PPP2R5C: variants seen among roughly 807,000 people sequenced by gnomAD.
The protein encoded by PPP2R5C is protein phosphatase 2 regulatory subunit B'gamma.
PPP2R5C carries 7 observed loss-of-function variants against 68.9 expected under a neutral mutation model. The observed-to-expected ratio is 0.10, with a 90% CI of 0.06 to 0.19. The LOEUF is 0.19. Ranked by LOEUF, PPP2R5C falls within the 10% of genes least tolerant of loss-of-function variation. The pLI is 1.00. For synonymous variants in PPP2R5C, 210 were observed against 222.2 expected (o/e 0.95, Z 0.49); for missense variants, 348 against 641.3 (o/e 0.54, Z 4.94).
At chr14:101,773,680 G>C (rs941373325) in intron 2 of PPP2R5C, among the ~76,000 whole-genome samples, 2 of 152,104 alleles carry the variant, frequency 1.3e-5, no homozygotes, top group African/African-American at 4.8e-5. Flanking sequence ...GATTTTGGCA[G>C]GGAGGGGGAG....
At chr14:101,793,458 G>A (rs968313168) in intron 3 of PPP2R5C, among the ~76,000 whole-genome samples, 2 of 152,216 alleles carry the variant, frequency 1.3e-5, no homozygotes, top group Non-Finnish European at 2.9e-5. Flanking sequence ...CCCCTTCAGC[G>A]CCAGCAAGGG....
At chr14:101,892,251 G>C (rs1231316085) in intron 6 of PPP2R5C, among the ~76,000 whole-genome samples, 1 of 152,060 alleles carries the variant, frequency 6.6e-6, no homozygotes, top group Non-Finnish European at 1.5e-5. Context: ...GCCACCGCCT[G>C]GCCCTAACTG....
intron 2 of PPP2R5C, 130 bp downstream of exon 4, chr14:101,857,015 G>A (rs1771861240): frequency 2.2e-6 from 2 of 890,056 alleles, no homozygotes; most frequent in Admixed American, 2.8e-5. Flanking sequence ...AGTTGTGCTT[G>A]AAGAATGAAA....
chr14:101,847,105 T>G (rs535520747), intron 1 of PPP2R5C, among the ~76,000 whole-genome samples: 14 of 152,344 alleles, frequency 9.2e-5, no homozygotes, highest in Admixed American at 7.2e-4. Flanking sequence ...TACCTGAGTT[T>G]GTTTTCCTCA....
chr14:101,927,836 G>A (rs897677317), exon 14 of PPP2R5C: 1 of 152,238 alleles, frequency 6.6e-6, no homozygotes, highest in Non-Finnish European at 1.5e-5. Flanking sequence ...TTAACATTTT[G>A]TAATTCAAAA....
intron 12 of PPP2R5C, chr14:101,914,147 T>C (rs974005861): frequency 6.6e-6 from 3 of 454,968 alleles, no homozygotes; most frequent in African/African-American, 6.0e-5. Context: ...TTGGTTGCTC[T>C]CTTTGCAAAC....
intron 1 of PPP2R5C, chr14:101,818,587 T>C: frequency 6.2e-6 from 1 of 161,116 alleles, no homozygotes; most frequent in Non-Finnish European, 1.3e-5. Context: ...TGAGCCGAGA[T>C]CACGCCACTG....
chr14:101,906,134 G>A lies in PPP2R5C; in HGVS notation c.1024-268G>A, dbSNP rs1210532395. Among the ~76,000 whole-genome samples, 1 of 152,210 alleles carries A rather than the reference G, an allele frequency of 6.6e-6. No homozygotes were observed. The highest frequency in any genetic ancestry group is 2.4e-5 in the African/African-American group (1 of 41,458). ...CTTTGAGTTGTCTCCTCAGCATCTA[G>A]CCAGCATCTAGCATAAATGTTTACG... On this transcript the variant is annotated intron_variant, in intron 9 of 13. Coordinates refer to ENST00000334743, the Ensembl canonical transcript of PPP2R5C. This position sits in a 1 kb window ranked among gnomAD's most constrained non-coding sequence, Gnocchi z 4.0.
chr14:101,860,302 G>C (rs1445075791), intron 2 of PPP2R5C, among the ~76,000 whole-genome samples: 1 of 152,068 alleles, frequency 6.6e-6, no homozygotes, highest in African/African-American at 2.4e-5. Flanking sequence ...TACAGAATAT[G>C]TACCCTTTGG....
intron 2 of PPP2R5C, among the ~76,000 whole-genome samples, chr14:101,770,819 C>T (rs972661354): frequency 2.6e-5 from 4 of 152,224 alleles, no homozygotes; most frequent in African/African-American, 9.7e-5. Context: ...GAAAGGTTTC[C>T]ACCTGCATCC....
At chr14:101,786,276 T>A in intron 3 of PPP2R5C, 93 bp downstream of exon 3, 2 of 1,235,422 alleles carry the variant, frequency 1.6e-6, no homozygotes, top group South Asian at 3.6e-5. Flanking sequence ...CTTTGCTGTG[T>A]TTGTATTTTG....
At chr14:101,886,590 T>C (rs2044534328) in intron 5 of PPP2R5C, among the ~76,000 whole-genome samples, 1 of 152,204 alleles carries the variant, frequency 6.6e-6, no homozygotes, top group Non-Finnish European at 1.5e-5. Flanking sequence ...AAAGCAAGCA[T>C]GCTATCTAGA....
chr14:101,908,987 C>G (rs2046233287), intron 10 of PPP2R5C, among the ~76,000 whole-genome samples: 1 of 152,190 alleles, frequency 6.6e-6, no homozygotes, highest in African/African-American at 2.4e-5. Context: ...CAGGCTTTCG[C>G]TGGTGTCTGC....
At chr14:101,787,842 C>T (rs2038190332) in intron 3 of PPP2R5C, among the ~76,000 whole-genome samples, 1 of 151,666 alleles carries the variant, frequency 6.6e-6, no homozygotes, top group Non-Finnish European at 1.5e-5. Context: ...ATTTGGTTTA[C>T]CTTTGTGGTA....
intron 1 of PPP2R5C, among the ~76,000 whole-genome samples, chr14:101,852,871 A>G (rs1472012543): frequency 6.6e-6 from 1 of 152,106 alleles, no homozygotes; most frequent in Non-Finnish European, 1.5e-5. Context: ...ATGTCCATGT[A>G]TATTGCTCCG....
chr14:101,775,861 C>T (rs775748402), intron 2 of PPP2R5C, among the ~76,000 whole-genome samples: 5 of 152,084 alleles, frequency 3.3e-5, no homozygotes, highest in Non-Finnish European at 7.4e-5. Context: ...CAGCCAGAGA[C>T]TCCAGAATCC....
chr14:101,892,042 T>C (rs112726460), intron 6 of PPP2R5C, among the ~76,000 whole-genome samples: 9,213 of 152,248 alleles, frequency 0.061, 497 homozygotes, highest in African/African-American at 0.15. Flanking sequence ...CTGCAAACTC[T>C]GCCTCCCAGG....
At chr14:101,806,313 T>C (rs138372700), upstream of PPP2R5C, among the ~76,000 whole-genome samples, 104 of 149,202 alleles carry the variant, frequency 7.0e-4, no homozygotes, top group African/African-American at 9.0e-4. Context: ...CCTGTGTCCA[T>C]GTGTTCTCAT....
intron 2 of PPP2R5C, among the ~76,000 whole-genome samples, chr14:101,778,549 G>A (rs1416893597): frequency 2.6e-5 from 4 of 152,142 alleles, no homozygotes; most frequent in African/African-American, 9.7e-5. Context: ...TTCTGTTTAG[G>A]TTTGTGATTC....
Sources: gnomAD v4.1 joint callset for allele counts (sites outside exome capture counted in the v4.1 genomes callset) on GRCh38, gnomAD v4.1.1 for gene constraint, Gnocchi (gnomAD v3.1) non-coding constraint, MANE v1.5 for transcripts, NCBI Gene and HGNC (gene_info 2026-07-23, HGNC 2026-07-21) for gene names.